The following GLMP variants were observed in gnomAD, a reference collection of about 807,000 sequenced individuals.
The protein encoded by GLMP is glycosylated lysosomal membrane protein, also known as kidney lysosomal membrane protein.
Under a neutral mutation model 39.2 loss-of-function variants are expected in GLMP, and 36 were observed. The ratio of observed to expected loss-of-function variants is 0.92; its 90% CI spans 0.70 to 1.21. The LOEUF is 1.21. Among genes scored for constraint, GLMP ranks in the 50% most tolerant of loss-of-function variants. The pLI, the probability that GLMP is intolerant of heterozygous loss-of-function variation, is 0.00. For missense variants in GLMP, 454 were observed against 505.6 expected, an observed-to-expected ratio of 0.90 and a Z score of 0.98; for synonymous variants, 220 against 218.9, an observed-to-expected ratio of 1.01 and a Z score of -0.04.
chr1:156,294,040 T>G lies in GLMP; in HGVS notation c.776A>C (p.Glu259Ala), dbSNP rs553123214. 4 of 1,613,704 alleles carry G rather than the reference T, an allele frequency of 2.5e-6. No homozygotes were observed. The South Asian group carries it at 4.4e-5, about 18-fold the overall frequency. Reference sequence around the variant, plus strand: ...GACCTGGAAGACGGCCGGTGCATATTCATCGTCGATGGAGTGCTGCTCCTG... The same window carrying G: ...GACCTGGAAGACGGCCGGTGCATATGCATCGTCGATGGAGTGCTGCTCCTG... ...SMQEQHSIDD[E>A]YAPAVFQLDQ... is the part of the protein sequence containing the mutation. The change falls in exon 4 of 6, where the codon GAA (glutamate) becomes GCA (alanine). Residue 259 changes from glutamate to alanine, a missense_variant. Coordinates refer to ENST00000362007, the MANE Select transcript of GLMP (RefSeq NM_144580.3).
intron 4 of GLMP, 25 bp downstream of exon 4, chr1:156,293,993 T>A (rs1663483037): frequency 6.2e-7 from 1 of 1,609,326 alleles, no homozygotes; most frequent in South Asian, 1.1e-5. Context: ...TCCTCACCCA[T>A]CTGCCTCTCT....
Position 156,292,925 on chromosome 1 carries a change from C to A in GLMP, c.*119G>T. On this transcript the variant is annotated 3_prime_UTR_variant, in exon 6 of 6. Coordinates refer to ENST00000362007, the MANE Select transcript of GLMP (RefSeq NM_144580.3). Reference sequence around the variant, plus strand: ...GAAGTCGAGGCTGGCCTCTGAGGTTCCACAGAAAAGCAAGATGGGGGAGTG... The same window carrying A: ...GAAGTCGAGGCTGGCCTCTGAGGTTACACAGAAAAGCAAGATGGGGGAGTG... The A allele has an allele frequency of 7.3e-7, 1 of 1,363,968 alleles. No individual in the cohort carries two copies. Among genetic ancestry groups the A allele is most frequent in the South Asian group, 1.4e-5 (1 of 70,586 alleles). The allele number at this position is 1,363,968 out of a possible 1,614,324, so 84.5% of individuals were successfully genotyped here.
At position 156,292,909 on chromosome 1, in the gene GLMP, G is replaced by T; in HGVS notation, c.*135C>A. The T allele has an allele frequency of 1.7e-6, 2 of 1,212,098 alleles. No homozygotes were observed. The highest frequency in any genetic ancestry group is 2.3e-6 in the Non-Finnish European group (2 of 867,332). 75.1% of individuals were successfully genotyped at this position (1,212,098 alleles called of 1,614,324 possible). A position where few individuals can be genotyped will look rare whatever the true frequency, so the allele number is the denominator to read the frequency against. ...ACCTGGGGGTCTCCAGGAAGTCGAG[G>T]CTGGCCTCTGAGGTTCCACAGAAAA... On this transcript the variant is annotated 3_prime_UTR_variant, in exon 6 of 6. Transcript: ENST00000362007.
chr1:156,294,079 T>C lies in GLMP; in HGVS notation c.737A>G (p.Asp246Gly), dbSNP rs1053799734. The C allele has an allele frequency of 1.7e-5, 27 of 1,614,098 alleles. No individual in the cohort carries two copies. Among genetic ancestry groups the C allele is most frequent in the Non-Finnish European group, 2.1e-5 (25 of 1,180,038 alleles). ...LEVATLGQGP[D>G]CPSMQEQHSI... Reference sequence around the variant, plus strand: ...GTGCTGCTCCTGCATTGAGGGGCAGTCAGGGCCCTGGCCCAATGTGGCTAC... The same window carrying C: ...GTGCTGCTCCTGCATTGAGGGGCAGCCAGGGCCCTGGCCCAATGTGGCTAC... Residue 246 changes from aspartate to glycine, a missense_variant, in exon 4 of 6, where the codon GAC becomes GGC. Transcript: ENST00000362007.
Position 156,294,972 on chromosome 1 carries a change from G to T in GLMP, c.165C>A (p.Asn55Lys), listed in dbSNP as rs1462809339. Residue 55 changes from asparagine to lysine, a missense_variant, in exon 2 of 6, where the codon AAC becomes AAA. Coordinates refer to ENST00000362007, the MANE Select transcript of GLMP (RefSeq NM_144580.3). ...TGCCCACTGCCCGTATATGAAGCAG[G>T]TTCTGCAGGGGGCCCAGCCAGTTAG... ...VIPNWLGPLQNLLHIRAVGTN... is the reference protein window; with the variant it reads ...VIPNWLGPLQKLLHIRAVGTN... 1 of 1,593,862 alleles carries T rather than the reference G, an allele frequency of 6.3e-7. No individual in the cohort carries two copies. The highest frequency in any genetic ancestry group is 8.6e-7 in the Non-Finnish European group (1 of 1,165,836).
At position 156,294,455 on chromosome 1, in the gene GLMP, TGAA is replaced by T. The variant is rs781351658; in HGVS notation, c.486_488del (p.Asp162_Ser163delinsGlu). ...TGGCACTCAGGGTGGCAGGATCCAA[TGAA>T]TCAGTGATGTTGTTCCAAGAGAAAT... is the stretch of plus-strand genomic sequence containing the variant. On this transcript the variant is annotated inframe_deletion, in exon 3 of 6. Transcript: ENST00000362007. 4 of 1,614,110 alleles carry T rather than the reference TGAA, an allele frequency of 2.5e-6. No individual in the cohort carries two copies. The South Asian group carries it at 4.4e-5, about 18-fold the overall frequency.
Position 156,294,867 on chromosome 1 carries a change from G to A in GLMP, c.270C>T (p.Ser90=). The A allele has an allele frequency of 6.2e-7, 1 of 1,612,310 alleles. No homozygotes were observed. The highest frequency in any genetic ancestry group is 1.1e-5 in the South Asian group (1 of 90,848). Residue 90 remains serine (S), a synonymous_variant, in exon 2 of 6, where the codon AGC becomes AGT. Coordinates refer to ENST00000362007, the MANE Select transcript of GLMP (RefSeq NM_144580.3). ...VVMVATNTPH[S]TLSVNWSLLL... is the part of the protein sequence containing the mutation. ...GGAGGCTCCAGTTGACGCTCAGGGT[G>A]CTGTGGGGGGTGTTGGTGGCCACCA... is the stretch of plus-strand genomic sequence containing the variant.
At position 156,293,102 on chromosome 1, in the gene GLMP, C is replaced by T; in HGVS notation, c.1163G>A (p.Gly388Asp). ...LGAPGLMLLG[G>D]GLVLLLHHKK... ...GTGGTGCAGCAGCAGAACCAAGCCG[C>T]CCCCTAGCAGCATGAGCCCTGGGGC... Residue 388 changes from glycine to aspartate, a missense_variant, in exon 6 of 6, where the codon GGC becomes GAC. By Grantham distance (94) the Gly-to-Asp change is moderately conservative (BLOSUM62 -1). Coordinates refer to ENST00000362007, the MANE Select transcript of GLMP (RefSeq NM_144580.3). The T allele has an allele frequency of 6.2e-7, 1 of 1,614,094 alleles. No homozygotes were observed. Among genetic ancestry groups the T allele is most frequent in the Non-Finnish European group, 8.5e-7 (1 of 1,180,026 alleles).
chr1:156,295,094 G>A (rs1290379415), intron 1 of GLMP, 78 bp from the exon 2 acceptor site: 1 of 1,234,086 alleles, frequency 8.1e-7, no homozygotes, highest in Non-Finnish European at 1.1e-6. Flanking sequence ...TGAGGGGAGG[G>A]GGGCTTGGAA....
At position 156,293,366 on chromosome 1, in the gene GLMP, C is replaced by G; in HGVS notation, c.1009G>C (p.Gly337Arg). ...NNFCAFNLTFGASTGPGYWDQ... is the reference protein window; with the variant it reads ...NNFCAFNLTFRASTGPGYWDQ... Reference sequence around the variant, plus strand: ...CAATAGCCAGGGCCTGTGGAAGCCCCGAACGTCAGATTGAAGGCACAGAAG... The same window carrying G: ...CAATAGCCAGGGCCTGTGGAAGCCCGGAACGTCAGATTGAAGGCACAGAAG... Residue 337 changes from glycine (G) to arginine (R), a missense_variant, in exon 5 of 6, where the codon GGG (glycine) becomes CGG (arginine). Gly to Arg is a moderately radical substitution (Grantham distance 125, BLOSUM62 -2). Coordinates refer to ENST00000362007, the MANE Select transcript of GLMP (RefSeq NM_144580.3). 1.2e-6 allele frequency: 2 copies of G among 1,614,126 alleles called. No individual in the cohort carries two copies. The highest frequency in any genetic ancestry group is 8.5e-7 in the Non-Finnish European group (1 of 1,180,040).
intron 1 of GLMP, chr1:156,295,269 T>C: frequency 1.5e-6 from 2 of 1,333,936 alleles, no homozygotes; most frequent in Non-Finnish European, 1.9e-6. Flanking sequence ...GGCACAGGGC[T>C]GCGAAGAAGA....
chr1:156,294,922 C>T lies in GLMP; in HGVS notation c.215G>A (p.Trp72Ter). 1 of 1,612,822 alleles carries T rather than the reference C, an allele frequency of 6.2e-7. No homozygotes were observed. The highest frequency in any genetic ancestry group is 1.3e-5 in the African/African-American group (1 of 74,804). Residue 72 changes from tryptophan (W) to a stop codon, truncating the protein, a stop_gained, in exon 2 of 6, where the codon TGG (tryptophan) becomes TAG (stop). Transcript: ENST00000362007. LOFTEE classifies it high-confidence loss of function. The stretch of plus-strand genomic sequence containing the variant: ...CACTGCCAGAGGCCCCAGGCTGCTC[C>T]ACACATAGTGCAGTGTGGAATTGGT... ...VGTNSTLHYV[W>*]SSLGPLAVVM...
chr1:156,295,121 T>G, intron 1 of GLMP, 105 bp from the exon 2 acceptor site: 1 of 1,066,258 alleles, frequency 9.4e-7, no homozygotes. Flanking sequence ...GGACAAAGGA[T>G]GGGATTTTGG....
At position 156,293,458 on chromosome 1, in the gene GLMP, T is replaced by C. The variant is rs765453317; in HGVS notation, c.917A>G (p.His306Arg). The C allele has an allele frequency of 3.1e-6, 5 of 1,613,940 alleles. No homozygotes were observed. The Admixed American group carries it at 8.3e-5, about 27-fold the overall frequency. The change falls in exon 5 of 6, where the codon CAT (histidine) becomes CGT (arginine). Residue 306 changes from histidine to arginine, a missense_variant. Coordinates refer to ENST00000362007, the MANE Select transcript of GLMP (RefSeq NM_144580.3). ...SALPCQASPL[H>R]PALAYSLPQS... ...GGGAAGAGAGTATGCTAAGGCAGGA[T>C]GAAGAGGGGAAGCTTGGCAGGGCAG...
In GLMP at chr1:156,293,497, C is replaced by T. The variant is rs781498268; in HGVS notation, c.878G>A (p.Gly293Asp). The change falls in exon 5 of 6, where the codon GGC (glycine) becomes GAC (aspartate). Residue 293 changes from glycine (G) to aspartate (D), a missense_variant. Gly to Asp is a moderately conservative substitution (Grantham distance 94). Coordinates refer to ENST00000362007, the MANE Select transcript of GLMP (RefSeq NM_144580.3). ...RPVAYSQKPG[G>D]RESALPCQAS... is the part of the protein sequence containing the mutation. Reference sequence around the variant, plus strand: ...TTGGCAGGGCAGGGCTGATTCTCGGCCCCCCGGCTTCTGGGAGTAAGCCAC... The same window carrying T: ...TTGGCAGGGCAGGGCTGATTCTCGGTCCCCCGGCTTCTGGGAGTAAGCCAC... 6.2e-6 allele frequency: 10 copies of T among 1,614,040 alleles called. No individual in the cohort carries two copies. The highest frequency in any genetic ancestry group is 2.2e-5 in the East Asian group (1 of 44,878).
intron 4 of GLMP, 161 bp downstream of exon 4, chr1:156,293,857 C>T (rs1663474728): frequency 1.7e-6 from 2 of 1,185,816 alleles, no homozygotes; most frequent in Non-Finnish European, 2.5e-6. Context: ...TGTCTGTCTC[C>T]ACTGAGGGCA....
chr1:156,293,806 C>CAGATGG, intron 4 of GLMP: 1 of 1,313,844 alleles, frequency 7.6e-7, no homozygotes, highest in Non-Finnish European at 1.1e-6. Flanking sequence ...AGCCCCCTTG[C>CAGATGG]AGATCTCCAT....
rs373772290 is a variant in GLMP at position 156,293,377 on chromosome 1, T to C, written c.998A>G (p.Asn333Ser). 16 of 1,614,156 alleles carry C rather than the reference T, an allele frequency of 9.9e-6. No individual in the cohort carries two copies. In the African/African-American group the frequency reaches 1.7e-4, roughly 17 times the overall value. The change falls in exon 5 of 6, where the codon AAT becomes AGT. Residue 333 changes from asparagine (N) to serine (S), a missense_variant. By Grantham distance (46) the Asn-to-Ser change is conservative. Transcript: ENST00000362007. ...GCCTGTGGAAGCCCCGAACGTCAGA[T>C]TGAAGGCACAGAAGTTATTCTGGGA... ...FGSQNNFCAF[N>S]LTFGASTGPG... is the part of the protein sequence containing the mutation.
rs199545477 is a variant in GLMP, at chr1:156,293,499, C to T, written c.876G>A (p.Gly292=). Residue 292 remains glycine (G), a synonymous_variant, in exon 5 of 6, where the codon GGG becomes GGA. Coordinates refer to ENST00000362007, the MANE Select transcript of GLMP (RefSeq NM_144580.3). The part of the protein sequence containing the change: ...WRPVAYSQKP[G]GRESALPCQA... ...GGCAGGGCAGGGCTGATTCTCGGCC[C>T]CCCGGCTTCTGGGAGTAAGCCACTG... 1 of 1,614,154 alleles carries T rather than the reference C, an allele frequency of 6.2e-7. No individual in the cohort carries two copies. The highest frequency in any genetic ancestry group is 8.5e-7 in the Non-Finnish European group (1 of 1,180,022).
Sources: gnomAD v4.1 joint callset for allele counts on GRCh38, gnomAD v4.1.1 for gene constraint, MANE v1.5 for transcripts, NCBI Gene and HGNC (gene_info 2026-07-23, HGNC 2026-07-21) for gene names.